The following SFI1 variants were observed in gnomAD, a reference collection of about 807,000 sequenced individuals.
The protein encoded by SFI1 is SFI1 centrin binding protein.
A neutral mutation model predicts 207.5 loss-of-function variants in SFI1; 195 were observed. The observed-to-expected ratio is 0.94, with a 90% CI of 0.84 to 1.06. SFI1 has a LOEUF of 1.06. Ranked by LOEUF, SFI1 falls within the 50% of genes least tolerant of loss-of-function variation. The pLI is 0.00. For missense variants in SFI1, 1,634 were observed against 1,588.0 expected (o/e 1.03, Z -0.49); for synonymous variants, 630 against 598.9 (o/e 1.05, Z -0.76).
rs1018720482 is a variant in SFI1, at chr22:31,528,920, G to A, written c.266+57G>A. 4.6e-5 allele frequency: 69 copies of A among 1,503,624 alleles called. No individual in the cohort carries two copies. The African/African-American group carries it at 8.6e-4, about 19-fold the overall frequency. The allele number at this position is 1,503,624 out of a possible 1,614,324, so 93.1% of individuals were successfully genotyped here. ...TACTTTGCTTTTGTTCTCCTTTCTTGGTTAAAATGGGGGAATGATTCTTAT... is the reference window on the plus strand; with the variant it reads ...TACTTTGCTTTTGTTCTCCTTTCTTAGTTAAAATGGGGGAATGATTCTTAT... On this transcript the variant is annotated intron_variant, in intron 3 of 32. Coordinates refer to ENST00000400288, the MANE Select transcript of SFI1 (RefSeq NM_001007467.3).
chr22:31,531,043 T>G lies in SFI1; in HGVS notation c.267-15T>G, dbSNP rs1016155769. The stretch of plus-strand genomic sequence containing the variant: ...GAATTTTAAAATATGTATATGCTTT[T>G]TTTCCTTCTTTCAGATGCGTGGCCA... On this transcript the variant is annotated splice_polypyrimidine_tract_variant and intron_variant, in intron 3 of 32. Coordinates refer to ENST00000400288, the MANE Select transcript of SFI1 (RefSeq NM_001007467.3). The G allele has an allele frequency of 3.7e-6, 6 of 1,606,298 alleles. No individual in the cohort carries two copies. Among genetic ancestry groups the G allele is most frequent in the Non-Finnish European group, 4.2e-6 (5 of 1,177,330 alleles).
At position 31,611,795 on chromosome 22, in the gene SFI1, G is replaced by A. The variant is rs939419253; in HGVS notation, c.2445G>A (p.Leu815=). 10 of 1,613,846 alleles carry A rather than the reference G, an allele frequency of 6.2e-6. No individual in the cohort carries two copies. The highest frequency in any genetic ancestry group is 1.3e-5 in the African/African-American group (1 of 75,060). Residue 815 remains leucine, a synonymous_variant, in exon 24 of 33, where the codon CTG becomes CTA. Coordinates refer to ENST00000400288, the MANE Select transcript of SFI1 (RefSeq NM_001007467.3). ...RLLHRQSTQL[L]AQRLSRTCFR... The stretch of plus-strand genomic sequence containing the variant: ...TGCACAGGCAGAGCACCCAACTGCT[G>A]GCACAGAGACTCAGCCGGACCTGCT...
chr22:31,590,302 A>G (rs1476178627), intron 15 of SFI1, among the ~76,000 whole-genome samples: 1 of 152,160 alleles, frequency 6.6e-6, no homozygotes, highest in East Asian at 1.9e-4. Context: ...ACCATGGAGT[A>G]GAGAGAAGTC....
At chr22:31,525,201 T>C (rs976508559) in intron 2 of SFI1, among the ~76,000 whole-genome samples, 1 of 152,228 alleles carries the variant, frequency 6.6e-6, no homozygotes, top group African/African-American at 2.4e-5. Context: ...TTGTTGCCTG[T>C]GCTTTTGATG....
In SFI1 at chr22:31,573,117, C is replaced by T; in HGVS notation, c.825C>T (p.Val275=). The T allele has an allele frequency of 6.2e-7, 1 of 1,613,778 alleles. No homozygotes were observed. Among genetic ancestry groups the T allele is most frequent in the Non-Finnish European group, 8.5e-7 (1 of 1,179,962 alleles). ...LYVQKEKQKV[V]SAVKHHQHWQ... is the part of the protein sequence containing the mutation. ...TCCAGAAGGAGAAACAAAAGGTTGTCTCTGCAGTGAAACATCATCAGCACT... is the reference window on the plus strand; with the variant it reads ...TCCAGAAGGAGAAACAAAAGGTTGTTTCTGCAGTGAAACATCATCAGCACT... The change falls in exon 9 of 33, where the codon GTC becomes GTT. Residue 275 remains valine, a synonymous_variant. Coordinates refer to ENST00000400288, the MANE Select transcript of SFI1 (RefSeq NM_001007467.3).
In SFI1 at chr22:31,550,308, G is replaced by T; in HGVS notation, c.504G>T (p.Gln168His). ...FQTWKTYVRQ[Q>H]QEMRNKYIRA... ...CGTGGAAGACCTATGTGCGTCAGCA[G>T]CAGGAGATGAGGAACAAGTACATTA... Residue 168 changes from glutamine (Q) to histidine (H), a missense_variant, in exon 6 of 33, where the codon CAG becomes CAT. Transcript: ENST00000400288. The T allele has an allele frequency of 6.2e-7, 1 of 1,614,106 alleles. No individual in the cohort carries two copies. The highest frequency in any genetic ancestry group is 8.5e-7 in the Non-Finnish European group (1 of 1,180,006).
chr22:31,602,903 G>A, intron 17 of SFI1, 118 bp downstream of exon 17: 1 of 1,191,292 alleles, frequency 8.4e-7, no homozygotes, highest in Non-Finnish European at 1.2e-6. Context: ...GACTCTGGTT[G>A]TAAGTTCTGG....
chr22:31,613,304 G>A (rs1274270469), intron 25 of SFI1, 50 bp from the exon 26 acceptor site: 2 of 1,605,076 alleles, frequency 1.2e-6, no homozygotes, highest in Non-Finnish European at 1.7e-6. Flanking sequence ...TGGTCTGTGG[G>A]GGAGCTCTAA....
At chr22:31,517,366 G>C (rs955371983) in intron 2 of SFI1, among the ~76,000 whole-genome samples, 10 of 152,070 alleles carry the variant, frequency 6.6e-5, no homozygotes, top group Non-Finnish European at 1.5e-4. Context: ...TCCCATCTCA[G>C]CCTCCCAAAT....
intron 2 of SFI1, among the ~76,000 whole-genome samples, chr22:31,517,270 A>G (rs1482376746): frequency 6.6e-6 from 1 of 151,792 alleles, no homozygotes; most frequent in Non-Finnish European, 1.5e-5. Context: ...TTTTTTGGAG[A>G]CAGGGTCTCG....
In SFI1 at chr22:31,592,934, G is replaced by A. The variant is rs1251610085; in HGVS notation, c.1544+3357G>A. Among the ~76,000 whole-genome samples the A allele has an allele frequency of 1.7e-5, 2 of 118,210 alleles. 1 individual carries two copies. The highest frequency in any genetic ancestry group is 7.4e-5 in the African/African-American group (2 of 27,160). The allele number at this position is 118,210 out of a possible 152,430, so 77.6% of individuals were successfully genotyped here. A position where few individuals can be genotyped will look rare whatever the true frequency, so the allele number is the denominator to read the frequency against. ...TCCTCACTTCCCAGTAGGGGCGGCCGGGCAGAGGCGCCCCTCACCTCCCGG... is the reference window on the plus strand; with the variant it reads ...TCCTCACTTCCCAGTAGGGGCGGCCAGGCAGAGGCGCCCCTCACCTCCCGG... On this transcript the variant is annotated intron_variant, in intron 15 of 32. Coordinates refer to ENST00000400288, the MANE Select transcript of SFI1 (RefSeq NM_001007467.3).
rs1603308057 is a variant in SFI1 at position 31,602,288 on chromosome 22, A to G, written c.1621A>G (p.Arg541Gly). Residue 541 changes from arginine to glycine, a missense_variant, in exon 16 of 33, where the codon AGA becomes GGA. By Grantham distance (125) the Arg-to-Gly change is moderately radical. Transcript: ENST00000400288. ...GCATCGAGAAAACCGCCTGGCAGAGAGAATGGTAAATGGCTGTCCCTGAGG... is the reference window on the plus strand; with the variant it reads ...GCATCGAGAAAACCGCCTGGCAGAGGGAATGGTAAATGGCTGTCCCTGAGG... ...FQHRENRLAE[R>G]MAILHAERQL... 2.5e-6 allele frequency: 4 copies of G among 1,613,806 alleles called. No individual in the cohort carries two copies. Among genetic ancestry groups the G allele is most frequent in the Non-Finnish European group, 3.4e-6 (4 of 1,179,804 alleles).
At chr22:31,550,389 T>A (rs1183579592) in intron 6 of SFI1, 41 bp downstream of exon 6, 1 of 1,513,982 alleles carries the variant, frequency 6.6e-7, no homozygotes, top group South Asian at 1.1e-5. Context: ...ATGCCCACAT[T>A]TACTTTGCAG....
intron 3 of SFI1, among the ~76,000 whole-genome samples, chr22:31,530,318 G>A (rs2058368868): frequency 6.7e-6 from 1 of 149,824 alleles, no homozygotes; most frequent in African/African-American, 2.5e-5. Flanking sequence ...GTGAAACCTG[G>A]TCTCTACTAA....
At chr22:31,614,074 T>A in intron 27 of SFI1, 1 of 600,958 alleles carries the variant, frequency 1.7e-6, no homozygotes, top group South Asian at 3.2e-5. Flanking sequence ...CTCCTTTGCC[T>A]GCCAAAGCTC....
chr22:31,567,302 C>A (rs1000141351), intron 8 of SFI1, among the ~76,000 whole-genome samples: 1 of 152,130 alleles, frequency 6.6e-6, no homozygotes, highest in African/African-American at 2.4e-5. Flanking sequence ...TTTGATATAT[C>A]TCATAATATA....
chr22:31,511,890 G>A (rs888250001), intron 2 of SFI1, among the ~76,000 whole-genome samples: 3 of 152,038 alleles, frequency 2.0e-5, no homozygotes, highest in African/African-American at 7.2e-5. Context: ...GGCCTCAAGT[G>A]ATCCGCCTGT....
In SFI1 at chr22:31,618,241, C is replaced by T. The variant is rs770330701; in HGVS notation, c.3624+15C>T. On this transcript the variant is annotated intron_variant, in intron 32 of 32. Coordinates refer to ENST00000400288, the MANE Select transcript of SFI1 (RefSeq NM_001007467.3). ...AGCTGGAACAGGTGAGGCCCCAGGC[C>T]ATCCCCAGGTGTCCCTGGGGACGCC... 6.3e-6 allele frequency: 10 copies of T among 1,596,204 alleles called. No homozygotes were observed. Among genetic ancestry groups the T allele is most frequent in the Non-Finnish European group, 7.7e-6 (9 of 1,172,652 alleles).
At chr22:31,527,127 C>A (rs954793000) in intron 2 of SFI1, among the ~76,000 whole-genome samples, 1 of 152,168 alleles carries the variant, frequency 6.6e-6, no homozygotes, top group Non-Finnish European at 1.5e-5. Flanking sequence ...AAACTCCTGA[C>A]CTCAGGTGAC....
Sources: gnomAD v4.1 joint callset for allele counts (sites outside exome capture counted in the v4.1 genomes callset) on GRCh38, gnomAD v4.1.1 for gene constraint, MANE v1.5 for transcripts, NCBI Gene and HGNC (gene_info 2026-07-23, HGNC 2026-07-21) for gene names.